Variants in CEMIP observed in about 807,000 individuals in gnomAD.
CEMIP encodes the protein cell migration-inducing and hyaluronan-binding protein.
CEMIP carries 105 observed loss-of-function variants against 156.9 expected under a neutral mutation model. The observed-to-expected ratio is 0.67, with a 90% CI of 0.57 to 0.79. The LOEUF (loss-of-function observed/expected upper bound fraction) is 0.79, where lower values mean the gene tolerates loss of function less well. CEMIP is among the 30% of genes least tolerant of loss of function. The pLI is 0.00. For missense variants in CEMIP, 1,457 were observed against 1,769.4 expected, an observed-to-expected ratio of 0.82 and a Z score of 3.17; for synonymous variants, 676 against 668.4, an observed-to-expected ratio of 1.01 and a Z score of -0.17.
In CEMIP at chr15:80,925,646, G is replaced by A. The variant is rs747866786; in HGVS notation, c.2311G>A (p.Asp771Asn). ...CAGATACAGCCCTCACCAGGACGCC[G>A]ACCCGCTGAAGCCCCGGGAGCCGGC... Reference protein sequence around the residue: ...SARYSPHQDADPLKPREPAII... With the variant: ...SARYSPHQDANPLKPREPAII... Residue 771 changes from aspartate (D) to asparagine (N), a missense_variant, in exon 19 of 30, where the codon GAC becomes AAC. Physicochemically the swap from Asp to Asn is conservative, Grantham distance 23. Around this residue, in one of 5 missense-constraint regions of CEMIP, gnomAD observed 798 missense variants for 980.1 expected, o/e 0.81. Coordinates refer to ENST00000394685, the MANE Select transcript of CEMIP (RefSeq NM_001293298.2). 12 of 1,613,140 alleles carry A rather than the reference G, an allele frequency of 7.4e-6. No individual in the cohort carries two copies. Among genetic ancestry groups the A allele is most frequent in the Admixed American group, 5.0e-5 (3 of 59,988 alleles).
At chr15:80,815,693 T>C (rs1038647672) in intron 1 of CEMIP, among the ~76,000 whole-genome samples, 6 of 152,132 alleles carry the variant, frequency 3.9e-5, no homozygotes, top group Admixed American at 6.6e-5. Context: ...ACTCTGTGCC[T>C]TTTAAAAAAA....
chr15:80,804,885 A>T (rs1896473423), intron 1 of CEMIP, among the ~76,000 whole-genome samples: 1 of 152,212 alleles, frequency 6.6e-6, no homozygotes, highest in Non-Finnish European at 1.5e-5. Context: ...AATAAAAGCA[A>T]CAATAAGGTT....
chr15:80,878,645 C>T, intron 3 of CEMIP, 76 bp from the exon 4 acceptor site: 3 of 1,593,890 alleles, frequency 1.9e-6, no homozygotes, highest in Non-Finnish European at 2.6e-6. Flanking sequence ...TGCATGGGAG[C>T]CCCCTTTTGG....
chr15:80,829,965 G>GT (rs1555428876), intron 1 of CEMIP, among the ~76,000 whole-genome samples: 3 of 133,792 alleles, frequency 2.2e-5, no homozygotes, highest in South Asian at 4.8e-4. Flanking sequence ...GGAGGTAGCG[G>GT]GTGTGTGTGT....
At chr15:80,894,014 G>A (rs909741782) in intron 10 of CEMIP, among the ~76,000 whole-genome samples, 7 of 152,112 alleles carry the variant, frequency 4.6e-5, no homozygotes, top group Non-Finnish European at 1.0e-4. Context: ...CAGCTGGCAG[G>A]GATCATGCCC....
At chr15:80,823,438 C>G (rs986773183) in intron 1 of CEMIP, among the ~76,000 whole-genome samples, 5 of 152,194 alleles carry the variant, frequency 3.3e-5, no homozygotes, top group Non-Finnish European at 2.9e-5. Flanking sequence ...TGGATGGAGA[C>G]TTGGGATCCT....
intron 1 of CEMIP, among the ~76,000 whole-genome samples, chr15:80,870,193 A>C (rs1898241639): frequency 6.6e-6 from 1 of 152,060 alleles, no homozygotes; most frequent in African/African-American, 2.4e-5. Context: ...ACTGAGCTGA[A>C]CCTTGCCTAG....
chr15:80,781,611 T>G (rs1454745071), intron 1 of CEMIP, among the ~76,000 whole-genome samples: 1 of 152,200 alleles, frequency 6.6e-6, no homozygotes, highest in Non-Finnish European at 1.5e-5. Flanking sequence ...TTTTTTTGTG[T>G]GTGACTGACA....
chr15:80,946,856 T>TG (rs1292037328), intron 28 of CEMIP, 109 bp from the exon 29 acceptor site: 2 of 749,096 alleles, frequency 2.7e-6, no homozygotes, highest in African/African-American at 3.5e-5. Flanking sequence ...GACAGGCCTC[T>TG]GGGCACTGCT....
chr15:80,885,826 C>G (rs1041669172), intron 7 of CEMIP, among the ~76,000 whole-genome samples: 8 of 152,236 alleles, frequency 5.3e-5, no homozygotes, highest in African/African-American at 1.4e-4. Flanking sequence ...CAACTATTTT[C>G]TCCTTATAAG....
At chr15:80,921,223 G>A (rs570116838) in intron 16 of CEMIP, 122 bp downstream of exon 16, 13 of 918,248 alleles carry the variant, frequency 1.4e-5, no homozygotes, top group East Asian at 1.0e-4. Context: ...CCATGCAGAC[G>A]GGCTTAGCTG....
chr15:80,895,691 G>A (rs1183789255), intron 11 of CEMIP, among the ~76,000 whole-genome samples, 178 bp from the exon 12 acceptor site: 1 of 152,120 alleles, frequency 6.6e-6, no homozygotes, highest in Non-Finnish European at 1.5e-5. Context: ...TTCTGGTAGG[G>A]TTTTTGTTGA....
chr15:80,877,355 TTGC>T (rs1296959701), intron 3 of CEMIP, among the ~76,000 whole-genome samples: 1 of 152,174 alleles, frequency 6.6e-6, no homozygotes, highest in African/African-American at 2.4e-5. Context: ...AGCTGTGAGC[TTGC>T]TTCCATTCCT....
chr15:80,899,500 G>C (rs1023811535), intron 12 of CEMIP, among the ~76,000 whole-genome samples: 1 of 152,146 alleles, frequency 6.6e-6, no homozygotes, highest in Non-Finnish European at 1.5e-5. Flanking sequence ...CTTCCCAGAG[G>C]AATGAGTGAC....
At position 80,782,957 on chromosome 15, in the gene CEMIP, A is replaced by G. The variant is rs551754047; in HGVS notation, c.-176+3343A>G. 1.9e-4 allele frequency among the ~76,000 whole-genome samples: 29 copies of G among 152,312 alleles called. No individual in the cohort carries two copies. In the South Asian group the frequency reaches 5.6e-3, roughly 29 times the overall value. On this transcript the variant is annotated intron_variant, in intron 1 of 29. Transcript: ENST00000394685. Reference sequence around the variant, plus strand: ...CAGGACACTCTTGGAGTGAAGGCCAATGAGGGGAGGAACTGTCATGTAAAG... The same window carrying G: ...CAGGACACTCTTGGAGTGAAGGCCAGTGAGGGGAGGAACTGTCATGTAAAG...
intron 1 of CEMIP, among the ~76,000 whole-genome samples, chr15:80,819,112 C>T (rs1896854802): frequency 6.6e-6 from 1 of 152,326 alleles, no homozygotes; most frequent in South Asian, 2.1e-4. Context: ...TTCTGAGTTT[C>T]CACAGGCTAG....
intron 1 of CEMIP, among the ~76,000 whole-genome samples, chr15:80,863,471 G>A (rs894599679): frequency 1.8e-4 from 28 of 152,212 alleles, no homozygotes; most frequent in African/African-American, 6.5e-4. Flanking sequence ...TGTGGAAAAT[G>A]TTCAGGAACT....
intron 1 of CEMIP, among the ~76,000 whole-genome samples, chr15:80,856,563 T>A (rs151240979): frequency 1.3e-5 from 2 of 152,186 alleles, no homozygotes; most frequent in Non-Finnish European, 2.9e-5. Context: ...TTATGTGGAA[T>A]CCTGGGGTCC....
rs374158398 is a variant in CEMIP, at chr15:80,944,002, G to C, written c.3857+900G>C. The stretch of plus-strand genomic sequence containing the variant: ...CCAACCCAAAAGTTCTACCTTGGCA[G>C]GGCGCATTGGCTCACACCTGTAATT... On this transcript the variant is annotated intron_variant, in intron 28 of 29. Coordinates refer to ENST00000394685, the MANE Select transcript of CEMIP (RefSeq NM_001293298.2). Among the ~76,000 whole-genome samples, 7 of 152,298 alleles carry C rather than the reference G, an allele frequency of 4.6e-5. 1 individual carries two copies. In the South Asian group the frequency reaches 8.3e-4, roughly 18 times the overall value.
Sources: allele counts gnomAD v4.1 joint callset (sites outside exome capture counted in the v4.1 genomes callset), GRCh38; gene constraint gnomAD v4.1.1; regional missense constraint gnomAD v4.1.1; transcripts MANE v1.5; gene names NCBI Gene and HGNC (gene_info 2026-07-23, HGNC 2026-07-21).